The following IFIT5 variants were observed in gnomAD, a reference collection of about 807,000 sequenced individuals.
IFIT5 encodes the protein interferon induced protein with tetratricopeptide repeats 5, also known as interferon-induced protein with tetratricopeptide repeats 5.
A neutral mutation model predicts 5.0 loss-of-function variants in IFIT5; 2 were observed. The ratio of observed to expected loss-of-function variants is 0.40; its 90% CI spans 0.16 to 1.26. IFIT5 has a LOEUF of 1.26. IFIT5 is among the 50% of genes most tolerant of loss of function. The probability of loss-of-function intolerance (pLI) is 0.33; values close to 1 mark genes in which losing one functional copy is unlikely to be tolerated. For missense variants in IFIT5, 524 were observed against 563.2 expected, an observed-to-expected ratio of 0.93 and a Z score of 0.70; for synonymous variants, 206 against 204.6, an observed-to-expected ratio of 1.01 and a Z score of -0.06.
At position 89,417,900 on chromosome 10, in the gene IFIT5, G is replaced by A. The variant is rs1841557526; in HGVS notation, c.701G>A (p.Gly234Glu). ...CAAGATGTACATGCAGAAGCTGAAGGGGAAAAGTATATTGAAGAAATCCTG... is the reference window on the plus strand; with the variant it reads ...CAAGATGTACATGCAGAAGCTGAAGAGGAAAAGTATATTGAAGAAATCCTG... Reference protein sequence around the residue: ...KLQDVHAEAEGEKYIEEILDQ... With the variant: ...KLQDVHAEAEEEKYIEEILDQ... The change falls in exon 2 of 2, where the codon GGG becomes GAG. Residue 234 changes from glycine to glutamate, a missense_variant. By Grantham distance (98) the Gly-to-Glu change is moderately conservative (BLOSUM62 -2). Coordinates refer to ENST00000371795, the MANE Select transcript of IFIT5 (RefSeq NM_012420.3). The A allele has an allele frequency of 6.2e-7, 1 of 1,614,004 alleles. No homozygotes were observed. The highest frequency in any genetic ancestry group is 8.5e-7 in the Non-Finnish European group (1 of 1,180,008).
In IFIT5 at chr10:89,417,434, G is replaced by C. The variant is rs1298430824; in HGVS notation, c.235G>C (p.Glu79Gln). Reference protein sequence around the residue: ...DALECLEQAEEIIQQEHSDKE... With the variant: ...DALECLEQAEQIIQQEHSDKE... ...CCTTGAGTGCTTGGAACAAGCAGAA[G>C]AAATAATCCAGCAAGAACACTCAGA... The change falls in exon 2 of 2, where the codon GAA becomes CAA. Residue 79 changes from glutamate to glutamine, a missense_variant. Coordinates refer to ENST00000371795, the MANE Select transcript of IFIT5 (RefSeq NM_012420.3). The C allele has an allele frequency of 5.6e-6, 9 of 1,614,162 alleles. No homozygotes were observed. The highest frequency in any genetic ancestry group is 7.6e-6 in the Non-Finnish European group (9 of 1,180,030).
Position 89,420,778 on chromosome 10 carries a change from T to A in IFIT5, c.*2130T>A, listed in dbSNP as rs985501963. On this transcript the variant is annotated 3_prime_UTR_variant, in exon 2 of 2. Transcript: ENST00000371795. ...ATGACTTAATTGGCATGGGGTGCAG[T>A]CCAGGCATCATGATTTTTAGATTTC... 1 of 152,186 alleles carries A rather than the reference T, an allele frequency of 6.6e-6. No individual in the cohort carries two copies. 9.4% of individuals were successfully genotyped at this position (152,186 alleles called of 1,614,324 possible).
intron 1 of IFIT5, 133 bp from the exon 2 acceptor site, chr10:89,417,072 A>G: frequency 1.4e-6 from 1 of 703,484 alleles, no homozygotes; most frequent in Non-Finnish European, 2.2e-6. Flanking sequence ...GTATAAAGTT[A>G]TGGGAAACTT....
At position 89,414,801 on chromosome 10, in the gene IFIT5, GAGGTAAGGGTTTTCC is replaced by G. The variant is rs2133649567; in HGVS notation, c.4_5+13del. The stretch of plus-strand genomic sequence containing the variant: ...ACGGCCTGCAGAGCGCTGCCATCAT[GAGGTAAGGGTTTTCC>G]TTTGCCTCTCCTCCCAAGCCCTGCG... On this transcript the variant is annotated splice_donor_variant and splice_donor_5th_base_variant and coding_sequence_variant and intron_variant, in exon 1 of 2. Transcript: ENST00000371795. LOFTEE classifies it high-confidence loss of function. The G allele has an allele frequency of 6.2e-7, 1 of 1,610,306 alleles. No homozygotes were observed. The highest frequency in any genetic ancestry group is 8.5e-7 in the Non-Finnish European group (1 of 1,178,488).
In IFIT5 at chr10:89,417,435, A is replaced by G; in HGVS notation, c.236A>G (p.Glu79Gly). The G allele has an allele frequency of 6.2e-7, 1 of 1,614,190 alleles. No homozygotes were observed. The highest frequency in any genetic ancestry group is 8.5e-7 in the Non-Finnish European group (1 of 1,180,030). ...DALECLEQAE[E>G]IIQQEHSDKE... ...CTTGAGTGCTTGGAACAAGCAGAAG[A>G]AATAATCCAGCAAGAACACTCAGAC... Residue 79 changes from glutamate to glycine, a missense_variant, in exon 2 of 2, where the codon GAA (glutamate) becomes GGA (glycine). Physicochemically the swap from Glu to Gly is moderately conservative, Grantham distance 98. Coordinates refer to ENST00000371795, the MANE Select transcript of IFIT5 (RefSeq NM_012420.3).
chr10:89,417,581 T>G lies in IFIT5; in HGVS notation c.382T>G (p.Ser128Ala). 6 of 1,614,200 alleles carry G rather than the reference T, an allele frequency of 3.7e-6. No individual in the cohort carries two copies. The highest frequency in any genetic ancestry group is 5.1e-6 in the Non-Finnish European group (6 of 1,180,022). Reference sequence around the variant, plus strand: ...GATAGGGAATGTCTGTAAGAAATTGTCCAGTCCTTCTAACTACAAGTTGGA... The same window carrying G: ...GATAGGGAATGTCTGTAAGAAATTGGCCAGTCCTTCTAACTACAAGTTGGA... ...GKIGNVCKKL[S>A]SPSNYKLECP... is the part of the protein sequence containing the mutation. The change falls in exon 2 of 2, where the codon TCC (serine) becomes GCC (alanine). Residue 128 changes from serine (S) to alanine (A), a missense_variant. By Grantham distance (99) the Ser-to-Ala change is moderately conservative. Transcript: ENST00000371795.
At position 89,414,583 on chromosome 10, in the gene IFIT5, G is replaced by A. The variant is rs1038612758; in HGVS notation, c.-216G>A. ...CTTAAGTTTCAGTTTCTGAGCGCTC[G>A]GCATCTGATTCAATCTCCAGTTTCC... On this transcript the variant is annotated 5_prime_UTR_variant, in exon 1 of 2. Coordinates refer to ENST00000371795, the MANE Select transcript of IFIT5 (RefSeq NM_012420.3). The A allele has an allele frequency of 2.1e-6, 1 of 465,686 alleles. No individual in the cohort carries two copies. The highest frequency in any genetic ancestry group is 2.0e-5 in the African/African-American group (1 of 48,842). 28.8% of individuals were successfully genotyped at this position (465,686 alleles called of 1,614,324 possible). A position where few individuals can be genotyped will look rare whatever the true frequency, so the allele number is the denominator to read the frequency against.
At chr10:89,415,347 C>T (rs1168417840) in intron 1 of IFIT5, among the ~76,000 whole-genome samples, 2 of 152,208 alleles carry the variant, frequency 1.3e-5, no homozygotes, top group East Asian at 3.9e-4. Context: ...CCTCTCTTTC[C>T]AGCTGCCATT....
At chr10:89,415,911 A>G (rs1320216278) in intron 1 of IFIT5, among the ~76,000 whole-genome samples, 1 of 152,248 alleles carries the variant, frequency 6.6e-6, no homozygotes, top group Admixed American at 6.5e-5. Context: ...AAAAAGTTTA[A>G]GTGCCACCCA....
rs960637737 is a variant in IFIT5, at chr10:89,418,288, A to G, written c.1089A>G (p.Lys363=). Residue 363 remains lysine, a synonymous_variant, in exon 2 of 2, where the codon AAA becomes AAG. Coordinates refer to ENST00000371795, the MANE Select transcript of IFIT5 (RefSeq NM_012420.3). ...GCAATGCTGAGGACATTTTCCGGAA[A>G]GCTCTTCGTCTGGAGAACATAACCG... The part of the protein sequence containing the change: ...QYSNAEDIFR[K]ALRLENITDD... 1.2e-6 allele frequency: 2 copies of G among 1,614,236 alleles called. No individual in the cohort carries two copies. The highest frequency in any genetic ancestry group is 1.7e-5 in the Admixed American group (1 of 60,028).
Position 89,418,331 on chromosome 10 carries a change from A to G in IFIT5, c.1132A>G (p.Ile378Val), listed in dbSNP as rs1282725153. ...ENITDDHKHQ[I>V]HYHYGRFQEF... ...CATAACCGATGATCACAAACATCAG[A>G]TCCATTACCACTATGGCCGCTTTCA... Residue 378 changes from isoleucine to valine, a missense_variant, in exon 2 of 2, where the codon ATC (isoleucine) becomes GTC (valine). Ile to Val is a conservative substitution (Grantham distance 29, BLOSUM62 3). Transcript: ENST00000371795. 11 of 1,614,098 alleles carry G rather than the reference A, an allele frequency of 6.8e-6. No homozygotes were observed. The African/African-American group carries it at 1.3e-4, about 20-fold the overall frequency.
In IFIT5 at chr10:89,418,237, CAT is replaced by C; in HGVS notation, c.1039_1040del (p.Met347ValfsTer3). The C allele has an allele frequency of 6.2e-7, 1 of 1,614,204 alleles. No individual in the cohort carries two copies. The highest frequency in any genetic ancestry group is 8.5e-7 in the Non-Finnish European group (1 of 1,180,024). On this transcript the variant is annotated frameshift_variant, in exon 2 of 2. Coordinates refer to ENST00000371795, the MANE Select transcript of IFIT5 (RefSeq NM_012420.3). LOFTEE classifies it low-confidence loss of function (END_TRUNC). ...FAFAYTDLAN[M>X]YAEGGQYSNA... is the part of the protein sequence containing the mutation. ...CATTTGCCTACACAGACCTGGCCAA[CAT>C]GTACGCTGAAGGAGGCCAGTATAGC...
Position 89,417,935 on chromosome 10 carries a change from T to C in IFIT5, c.736T>C (p.Ser246Pro). 10 of 1,614,152 alleles carry C rather than the reference T, an allele frequency of 6.2e-6. No homozygotes were observed. The highest frequency in any genetic ancestry group is 8.5e-6 in the Non-Finnish European group (10 of 1,180,016). Reference protein sequence around the residue: ...KYIEEILDQISSQPYVLRYAA... With the variant: ...KYIEEILDQIPSQPYVLRYAA... ...TATTGAAGAAATCCTGGACCAAATA[T>C]CATCCCAGCCTTACGTCCTTCGTTA... Residue 246 changes from serine (S) to proline (P), a missense_variant, in exon 2 of 2, where the codon TCA (serine) becomes CCA (proline). By Grantham distance (74) the Ser-to-Pro change is moderately conservative (BLOSUM62 -1). Transcript: ENST00000371795.
At chr10:89,415,454 T>C (rs1841526243) in intron 1 of IFIT5, among the ~76,000 whole-genome samples, 1 of 152,192 alleles carries the variant, frequency 6.6e-6, no homozygotes, top group African/African-American at 2.4e-5. Context: ...GTCTGAGTTC[T>C]TCCCTTCCCA....
chr10:89,418,656 C>T lies in IFIT5; in HGVS notation c.*8C>T, dbSNP rs758177764. The T allele has an allele frequency of 8.2e-6, 13 of 1,584,748 alleles. No individual in the cohort carries two copies. The highest frequency in any genetic ancestry group is 1.4e-5 in the African/African-American group (1 of 73,428). ...CTCCGACTTTCCATTTAAATACATA[C>T]TCTAGGAAATTAGCTCTAAGTTTTT... On this transcript the variant is annotated 3_prime_UTR_variant, in exon 2 of 2. Coordinates refer to ENST00000371795, the MANE Select transcript of IFIT5 (RefSeq NM_012420.3).
intron 1 of IFIT5, 73 bp from the exon 2 acceptor site, chr10:89,417,132 G>T (rs1320586122): frequency 3.1e-6 from 4 of 1,280,248 alleles, no homozygotes; most frequent in African/African-American, 1.5e-5. Context: ...GTTATGCAAA[G>T]AACAATATTT....
rs1056714092 is a variant in IFIT5, at chr10:89,420,762, T to C, written c.*2114T>C. 7 of 152,314 alleles carry C rather than the reference T, an allele frequency of 4.6e-5. No homozygotes were observed. The East Asian group carries it at 5.8e-4, about 13-fold the overall frequency. 9.4% of individuals were successfully genotyped at this position (152,314 alleles called of 1,614,324 possible). On this transcript the variant is annotated 3_prime_UTR_variant, in exon 2 of 2. Transcript: ENST00000371795. Reference sequence around the variant, plus strand: ...TCCCGCCCCATAGAGAATGACTTAATTGGCATGGGGTGCAGTCCAGGCATC... The same window carrying C: ...TCCCGCCCCATAGAGAATGACTTAACTGGCATGGGGTGCAGTCCAGGCATC...
intron 1 of IFIT5, 121 bp downstream of exon 1, chr10:89,414,924 C>G (rs1052219569): frequency 7.6e-6 from 10 of 1,310,732 alleles, no homozygotes; most frequent in Non-Finnish European, 1.0e-5. Context: ...CCCCTCGCGC[C>G]CAGCAACCGG....
chr10:89,418,480 A>G lies in IFIT5; in HGVS notation c.1281A>G (p.Arg427=), dbSNP rs755458159. Residue 427 remains arginine (R), a synonymous_variant, in exon 2 of 2, where the codon AGA becomes AGG. Transcript: ENST00000371795. ...CTCTGAAGAAATTGTCTACCAAGAG[A>G]CTTTGTCACAATGCTTTAGATGTGC... is the stretch of plus-strand genomic sequence containing the variant. ...TSALKKLSTK[R]LCHNALDVQS... The G allele has an allele frequency of 1.2e-6, 2 of 1,614,210 alleles. No individual in the cohort carries two copies. Among genetic ancestry groups the G allele is most frequent in the South Asian group, 1.1e-5 (1 of 91,092 alleles).
Sources: allele counts gnomAD v4.1 joint callset (sites outside exome capture counted in the v4.1 genomes callset), GRCh38; gene constraint gnomAD v4.1.1; transcripts MANE v1.5; gene names NCBI Gene and HGNC (gene_info 2026-07-23, HGNC 2026-07-21).